Variants in TRIM37 observed in about 807,000 individuals in gnomAD.
TRIM37 encodes E3 ubiquitin-protein ligase TRIM37.
A neutral mutation model predicts 129.8 loss-of-function variants in TRIM37; 80 were observed. The observed-to-expected ratio is 0.62, with a 90% CI of 0.51 to 0.74. The LOEUF is 0.74. TRIM37 is among the 30% of genes least tolerant of loss of function. TRIM37 has a pLI of 0.00. For missense variants in TRIM37, 1,054 were observed against 1,176.5 expected (o/e 0.90, Z 1.52); for synonymous variants, 389 against 387.1 (o/e 1.00, Z -0.06).
At chr17:58,976,982 G>A in the TRIM37 span, among the ~76,000 whole-genome samples, 2 of 152,058 alleles carry the variant, frequency 1.3e-5, no homozygotes, top group African/African-American at 2.4e-5. Flanking sequence ...TCCCATATTG[G>A]ATTTTATTTA....
chr17:59,061,125 C>T lies in TRIM37; in HGVS notation c.943-17G>A. On this transcript the variant is annotated splice_polypyrimidine_tract_variant and intron_variant, in intron 11 of 23. Transcript: ENST00000262294. ...ATTTCCATCCTAAAAGAAGAATAAT[C>T]AGTTTGAGTGTAAAAAAATTAAGCC... is the stretch of plus-strand genomic sequence containing the variant. The T allele has an allele frequency of 6.2e-7, 1 of 1,608,562 alleles. No individual in the cohort carries two copies. The highest frequency in any genetic ancestry group is 8.5e-7 in the Non-Finnish European group (1 of 1,175,382).
rs151231768 is a variant in TRIM37, at chr17:59,064,552, T to G, written c.810-147A>C. 8.0e-4 allele frequency: 504 copies of G among 631,972 alleles called. 5 individuals carry two copies. The African/African-American group carries it at 8.3e-3, about 10-fold the overall frequency. 39.1% of individuals were successfully genotyped at this position (631,972 alleles called of 1,614,324 possible). ...TTTTAAATCTTTATTGAACATAACA[T>G]TAAATCAAATGAATTCATAAAACCA... On this transcript the variant is annotated intron_variant, in intron 9 of 23. Coordinates refer to ENST00000262294, the MANE Select transcript of TRIM37 (RefSeq NM_015294.6).
At chr17:59,081,282 G>A (rs2043232125) in intron 5 of TRIM37, 63 bp from the exon 6 acceptor site, 1 of 1,587,164 alleles carries the variant, frequency 6.3e-7, no homozygotes, top group South Asian at 1.1e-5. Flanking sequence ...ACATTCCTTT[G>A]TAACACTCTA....
the TRIM37 span, among the ~76,000 whole-genome samples, chr17:58,977,165 C>A: frequency 1.3e-5 from 2 of 151,954 alleles, no homozygotes; most frequent in African/African-American, 4.8e-5. Flanking sequence ...TGAATGAGGG[C>A]TGGGCGCGGT....
intron 22 of TRIM37, 56 bp downstream of exon 22, chr17:59,012,272 C>CA: frequency 7.5e-7 from 1 of 1,330,432 alleles, no homozygotes; most frequent in Non-Finnish European, 1.1e-6. Flanking sequence ...CACCCACCAC[C>CA]AAAAAAGGGA....
At chr17:59,045,167 A>C (rs907774555) in intron 16 of TRIM37, among the ~76,000 whole-genome samples, 16 of 152,052 alleles carry the variant, frequency 1.1e-4, no homozygotes, top group Admixed American at 5.2e-4. Flanking sequence ...TCTATTAAAA[A>C]TACAAAACAA....
At chr17:59,083,430 T>C (rs1426614021) in intron 5 of TRIM37, among the ~76,000 whole-genome samples, 1 of 148,370 alleles carries the variant, frequency 6.7e-6, no homozygotes, top group Non-Finnish European at 1.5e-5. Flanking sequence ...AAGAGCGAAA[T>C]TCTCAAAAAA....
intron 18 of TRIM37, 83 bp downstream of exon 18, chr17:59,031,813 T>G: frequency 1.5e-6 from 2 of 1,376,072 alleles, no homozygotes; most frequent in East Asian, 4.6e-5. Flanking sequence ...GTTCCACACA[T>G]AGCTGAAATA....
chr17:59,086,518 C>T (rs2043767325), intron 4 of TRIM37, among the ~76,000 whole-genome samples: 1 of 152,166 alleles, frequency 6.6e-6, no homozygotes, highest in Non-Finnish European at 1.5e-5. Context: ...GGATTACAAG[C>T]ATGAGCCACT....
At chr17:59,046,972 G>T (rs1321462477) in intron 16 of TRIM37, among the ~76,000 whole-genome samples, 1 of 150,418 alleles carries the variant, frequency 6.6e-6, no homozygotes, top group African/African-American at 2.4e-5. Flanking sequence ...GGCTAACACG[G>T]TGAAACCCCG....
chr17:59,068,135 C>G lies in TRIM37; in HGVS notation c.809+2688G>C, dbSNP rs534184734. On this transcript the variant is annotated intron_variant, in intron 9 of 23. Transcript: ENST00000262294. ...AGAATTAAATTAAAAGCCAAAGTTT[C>G]CAATAAGGTAGTGAGCATTACTGGA... 3.3e-4 allele frequency among the ~76,000 whole-genome samples: 50 copies of G among 152,234 alleles called. 2 individuals carry two copies. In the South Asian group the frequency reaches 9.8e-3, roughly 30 times the overall value.
chr17:59,077,670 C>T (rs925779117), intron 7 of TRIM37, among the ~76,000 whole-genome samples: 7 of 151,250 alleles, frequency 4.6e-5, no homozygotes, highest in Non-Finnish European at 1.0e-4. Flanking sequence ...ATTAGCAGGG[C>T]GTGGTGGCAC....
the TRIM37 span, among the ~76,000 whole-genome samples, chr17:58,975,518 T>C: frequency 1.3e-5 from 2 of 152,184 alleles, no homozygotes. Flanking sequence ...TAAGGGAGAC[T>C]TCATACATAG....
chr17:59,105,008 C>G (rs2045863517), intron 1 of TRIM37, among the ~76,000 whole-genome samples: 2 of 149,642 alleles, frequency 1.3e-5, no homozygotes, highest in South Asian at 4.2e-4. Flanking sequence ...AGAAGAATTG[C>G]TTGAACCTAG....
downstream of TRIM37, among the ~76,000 whole-genome samples, chr17:58,996,928 C>T (rs2033075523): frequency 6.6e-6 from 1 of 151,868 alleles, no homozygotes; most frequent in Non-Finnish European, 1.5e-5. Context: ...TATAGGAAAG[C>T]ATCTGTCAAA....
chr17:58,971,674 T>A, the TRIM37 span, among the ~76,000 whole-genome samples: 1 of 152,198 alleles, frequency 6.6e-6, no homozygotes, highest in African/African-American at 2.4e-5. Context: ...GTTTTATATA[T>A]CATTTTATAC....
At chr17:59,023,358 G>A (rs149179524) in intron 19 of TRIM37, among the ~76,000 whole-genome samples, 104 of 152,242 alleles carry the variant, frequency 6.8e-4, no homozygotes, top group African/African-American at 2.5e-3. Context: ...GATTACAGGC[G>A]TGAGCCATTG....
chr17:59,051,023 G>A (rs975202290), intron 14 of TRIM37, among the ~76,000 whole-genome samples, 191 bp downstream of exon 14: 2 of 152,046 alleles, frequency 1.3e-5, no homozygotes, highest in Non-Finnish European at 2.9e-5. Context: ...TTACATGGCC[G>A]TATGTGGCTA....
intron 9 of TRIM37, 123 bp downstream of exon 9, chr17:59,070,700 A>G (rs776567977): frequency 3.6e-6 from 4 of 1,111,636 alleles, no homozygotes; most frequent in Non-Finnish European, 5.1e-6. Flanking sequence ...AACAAGTGAG[A>G]CCCTATCTAT....
Sources: allele counts gnomAD v4.1 joint callset (sites outside exome capture counted in the v4.1 genomes callset), GRCh38; gene constraint gnomAD v4.1.1; transcripts MANE v1.5; gene names NCBI Gene and HGNC (gene_info 2026-07-23, HGNC 2026-07-21).